The following LINGO2 variants were observed in gnomAD, a reference collection of about 807,000 sequenced individuals.
LINGO2 encodes leucine rich repeat and Ig domain containing 2.
Under a neutral mutation model 30.6 loss-of-function variants are expected in LINGO2, and 14 were observed. The ratio of observed to expected loss-of-function variants is 0.46; its 90% CI spans 0.30 to 0.72. LINGO2 has a LOEUF of 0.72. Among genes scored for constraint, LINGO2 ranks in the 30% least tolerant of loss-of-function variants. The probability of loss-of-function intolerance (pLI) is 0.07; values close to 1 mark genes in which losing one functional copy is unlikely to be tolerated. For missense variants in LINGO2, 729 were observed against 751.7 expected, an observed-to-expected ratio of 0.97 and a Z score of 0.35; for synonymous variants, 317 against 288.5, an observed-to-expected ratio of 1.10 and a Z score of -1.00.
intron 4 of LINGO2, among the ~76,000 whole-genome samples, chr9:28,205,910 C>T (rs139560601): frequency 2.8e-4 from 42 of 152,098 alleles, no homozygotes; most frequent in South Asian, 1.7e-3. Flanking sequence ...TGGCCAGGTG[C>T]GGTGGCTCAC....
At chr9:28,056,401 C>T (rs146977761) in intron 4 of LINGO2, among the ~76,000 whole-genome samples, 1 of 152,220 alleles carries the variant, frequency 6.6e-6, no homozygotes, top group Non-Finnish European at 1.5e-5. Flanking sequence ...ATTCTTTCAG[C>T]CTCCATCAGT....
intron 1 of LINGO2, among the ~76,000 whole-genome samples, chr9:28,488,307 C>T (rs1826254560): frequency 6.6e-6 from 1 of 152,170 alleles, no homozygotes; most frequent in Admixed American, 6.6e-5. Flanking sequence ...TGATATCCCA[C>T]ATAAACAGGG....
At position 28,639,342 on chromosome 9, in the gene LINGO2, G is replaced by A. The variant is rs150001908; in HGVS notation, c.-365+30858C>T. On this transcript the variant is annotated intron_variant, in intron 1 of 5. Coordinates refer to ENST00000379992, the Ensembl canonical transcript of LINGO2. ...CTGTAGATGTCTATTAGGTGCGCTTGGTGTAGAGCTGAGTTCAATTCCTGG... is the reference window on the plus strand; with the variant it reads ...CTGTAGATGTCTATTAGGTGCGCTTAGTGTAGAGCTGAGTTCAATTCCTGG... Among the ~76,000 whole-genome samples, 1,407 of 152,204 alleles carry A rather than the reference G, an allele frequency of 9.2e-3. 28 individuals carry two copies. Among genetic ancestry groups the A allele is most frequent in the East Asian group, 0.08 (413 of 5,168 alleles).
At position 28,491,734 on chromosome 9, in the gene LINGO2, A is replaced by G. The variant is rs576894051; in HGVS notation, c.-364-15709T>C. On this transcript the variant is annotated intron_variant, in intron 1 of 5. Transcript: ENST00000379992. The stretch of plus-strand genomic sequence containing the variant: ...TTGAAGAAGGATTTATTTATGCCCC[A>G]GTTTGTTCCAAAGAGTATTTAGGCA... Among the ~76,000 whole-genome samples the G allele has an allele frequency of 3.9e-5, 6 of 152,298 alleles. No homozygotes were observed. The South Asian group carries it at 1.0e-3, about 26-fold the overall frequency.
At chr9:28,278,431 A>T (rs952713427) in intron 4 of LINGO2, among the ~76,000 whole-genome samples, 1 of 152,220 alleles carries the variant, frequency 6.6e-6, no homozygotes, top group African/African-American at 2.4e-5. Context: ...AAAGCCTCAA[A>T]GGACATGCTG....
At chr9:28,391,241 G>C (rs930740664) in intron 2 of LINGO2, among the ~76,000 whole-genome samples, 6 of 152,232 alleles carry the variant, frequency 3.9e-5, no homozygotes, top group South Asian at 2.1e-4. Context: ...TTAAGATACG[G>C]AATATTTTCA....
chr9:28,749,690 A>T, the LINGO2 span, among the ~76,000 whole-genome samples: 1 of 152,190 alleles, frequency 6.6e-6, no homozygotes, highest in Middle Eastern at 3.4e-3. Flanking sequence ...AAGGCCATCA[A>T]ATATACCGTG....
chr9:28,138,972 C>G (rs898077229), intron 4 of LINGO2, among the ~76,000 whole-genome samples: 6 of 152,186 alleles, frequency 3.9e-5, no homozygotes, highest in African/African-American at 1.4e-4. Flanking sequence ...GTCAGTTTCA[C>G]TAAGAGTTTC....
At chr9:29,086,335 TA>T in the LINGO2 span, among the ~76,000 whole-genome samples, 1 of 152,106 alleles carries the variant, frequency 6.6e-6, no homozygotes, top group Non-Finnish European at 1.5e-5. Context: ...AAATTTTTGG[TA>T]TGATTGAACA....
intron 2 of LINGO2, among the ~76,000 whole-genome samples, chr9:28,403,021 T>C (rs556255305): frequency 6.6e-6 from 1 of 152,300 alleles, no homozygotes; most frequent in South Asian, 2.1e-4. Flanking sequence ...AATGATACCC[T>C]ATCTAGGGTT....
the LINGO2 span, among the ~76,000 whole-genome samples, chr9:29,080,123 C>T: frequency 1.3e-5 from 2 of 151,970 alleles, no homozygotes; most frequent in South Asian, 2.1e-4. Context: ...AATTTCAGAC[C>T]CTGTTTTTGG....
chr9:28,913,479 C>T, the LINGO2 span, among the ~76,000 whole-genome samples: 53 of 152,056 alleles, frequency 3.5e-4, no homozygotes, highest in Non-Finnish European at 7.1e-4. Context: ...TAATACTTTA[C>T]GTTATACAAT....
At chr9:28,660,284 TTAA>T (rs1258692467) in intron 1 of LINGO2, among the ~76,000 whole-genome samples, 4 of 151,968 alleles carry the variant, frequency 2.6e-5, no homozygotes, top group Non-Finnish European at 5.9e-5. Flanking sequence ...AACATGGTTA[TTAA>T]TAACAGAAAC....
intron 4 of LINGO2, among the ~76,000 whole-genome samples, chr9:28,284,348 T>G (rs1015698339): frequency 6.6e-6 from 1 of 152,176 alleles, no homozygotes; most frequent in Non-Finnish European, 1.5e-5. Context: ...GTGATGTAGA[T>G]TCTGCACTCA....
At chr9:28,781,187 A>G in the LINGO2 span, among the ~76,000 whole-genome samples, 2 of 152,014 alleles carry the variant, frequency 1.3e-5, no homozygotes, top group Non-Finnish European at 2.9e-5. Flanking sequence ...ACTACAACCA[A>G]TTTGTTTCTC....
chr9:28,786,671 G>A, the LINGO2 span, among the ~76,000 whole-genome samples: 1 of 151,986 alleles, frequency 6.6e-6, no homozygotes, highest in Non-Finnish European at 1.5e-5. Context: ...ACCCAAATAT[G>A]AATTAACTAC....
intron 1 of LINGO2, among the ~76,000 whole-genome samples, chr9:28,648,847 T>C (rs2135962655): frequency 6.6e-6 from 1 of 152,286 alleles, no homozygotes; most frequent in East Asian, 1.9e-4. Context: ...TCTACCAGAA[T>C]GTACCTTCTG....
chr9:28,527,507 A>G (rs988800289), intron 1 of LINGO2, among the ~76,000 whole-genome samples: 4 of 152,044 alleles, frequency 2.6e-5, no homozygotes, highest in African/African-American at 9.7e-5. Context: ...TGTTTTTACC[A>G]TTCTTCACCA....
the LINGO2 span, among the ~76,000 whole-genome samples, chr9:28,810,520 G>T: frequency 4.9e-4 from 75 of 152,088 alleles, no homozygotes; most frequent in Non-Finnish European, 6.6e-4. Flanking sequence ...GTTGAAAAAG[G>T]CTCCTGATAG....
Sources: allele counts gnomAD v4.1 joint callset (sites outside exome capture counted in the v4.1 genomes callset), GRCh38; gene constraint gnomAD v4.1.1; transcripts MANE v1.5; gene names NCBI Gene and HGNC (gene_info 2026-07-23, HGNC 2026-07-21).